The following FGF12 variants were observed in gnomAD, a reference collection of about 807,000 sequenced individuals.
FGF12 encodes fibroblast growth factor 12B.
FGF12 carries 14 observed loss-of-function variants against 23.6 expected under a neutral mutation model. The ratio of observed to expected loss-of-function variants is 0.59; its 90% CI spans 0.39 to 0.93. The LOEUF (loss-of-function observed/expected upper bound fraction) is 0.93, where lower values mean the gene tolerates loss of function less well. Ranked by LOEUF, FGF12 falls within the 40% of genes least tolerant of loss-of-function variation. The pLI is 0.00. For synonymous variants in FGF12, 62 were observed against 77.3 expected (o/e 0.80, Z 1.04); for missense variants, 175 against 217.8 (o/e 0.80, Z 1.24).
At chr3:192,292,269 T>C (rs75417535) in intron 4 of FGF12, among the ~76,000 whole-genome samples, 98 of 152,318 alleles carry the variant, frequency 6.4e-4, no homozygotes, top group African/African-American at 2.3e-3. Flanking sequence ...GGCATTTTAT[T>C]GGTCATTGTG....
At chr3:192,607,617 G>T (rs913704562) in intron 2 of FGF12, among the ~76,000 whole-genome samples, 2 of 151,826 alleles carry the variant, frequency 1.3e-5, no homozygotes, top group Non-Finnish European at 2.9e-5. Flanking sequence ...TGGAGTAAAA[G>T]GTTTTCTTCA....
intron 2 of FGF12, among the ~76,000 whole-genome samples, chr3:192,370,432 G>A (rs924723011): frequency 3.0e-4 from 45 of 152,152 alleles, no homozygotes; most frequent in Admixed American, 2.8e-3. Context: ...AGTCCTAGCT[G>A]CTGGGGAGGC....
intron 2 of FGF12, among the ~76,000 whole-genome samples, chr3:192,605,568 A>C (rs1248470938): frequency 6.6e-6 from 1 of 152,122 alleles, no homozygotes; most frequent in Non-Finnish European, 1.5e-5. Flanking sequence ...ACCTACAGAA[A>C]GGGAGAAAAT....
intron 4 of FGF12, among the ~76,000 whole-genome samples, chr3:192,273,763 A>ATTAT (rs1382858532): frequency 6.6e-6 from 1 of 152,192 alleles, no homozygotes; most frequent in African/African-American, 2.4e-5. Context: ...GCTTGCAAAA[A>ATTAT]TAATAGATAG....
chr3:192,520,585 G>A (rs2108845636), intron 2 of FGF12, among the ~76,000 whole-genome samples: 1 of 152,230 alleles, frequency 6.6e-6, no homozygotes, highest in Admixed American at 6.5e-5. Flanking sequence ...TTATTCATTT[G>A]TAAACTTATA....
intron 4 of FGF12, among the ~76,000 whole-genome samples, chr3:192,250,534 A>G (rs1404322803): frequency 6.6e-6 from 1 of 152,138 alleles, no homozygotes; most frequent in East Asian, 1.9e-4. Flanking sequence ...TAAGATTTAA[A>G]TATTTCAAGT....
chr3:192,643,755 A>AT (rs1715890797), intron 2 of FGF12, among the ~76,000 whole-genome samples: 1 of 152,260 alleles, frequency 6.6e-6, no homozygotes, highest in South Asian at 2.1e-4. Flanking sequence ...TAGTATATAC[A>AT]TTTTTTAAAC....
At chr3:192,341,380 C>A (rs963133802) in intron 3 of FGF12, among the ~76,000 whole-genome samples, 2 of 152,058 alleles carry the variant, frequency 1.3e-5, no homozygotes, top group African/African-American at 4.8e-5. Flanking sequence ...TATGGAAAGA[C>A]ATTCAAAAAT....
At chr3:192,582,681 T>TAA (rs138649791) in intron 2 of FGF12, among the ~76,000 whole-genome samples, 6 of 113,652 alleles carry the variant, frequency 5.3e-5, no homozygotes, top group Non-Finnish European at 9.2e-5. Flanking sequence ...CCACAGCTAG[T>TAA]AAAAAAAAGA....
chr3:192,678,170 T>C (rs1717394558), intron 2 of FGF12, among the ~76,000 whole-genome samples: 1 of 152,260 alleles, frequency 6.6e-6, no homozygotes, highest in Non-Finnish European at 1.5e-5. Context: ...GCTTTTCACT[T>C]ATTATTGTGT....
chr3:192,451,502 T>C (rs527451450), intron 2 of FGF12, among the ~76,000 whole-genome samples: 1 of 152,296 alleles, frequency 6.6e-6, no homozygotes, highest in African/African-American at 2.4e-5. Context: ...ATTATGACTA[T>C]TGAGCAGGAG....
rs9820590 is a variant in FGF12 at position 192,313,978 on chromosome 3, T to G, written c.228+21383A>C. Among the ~76,000 whole-genome samples, 1,367 of 152,264 alleles carry G rather than the reference T, an allele frequency of 9.0e-3. 20 individuals carry two copies. The highest frequency in any genetic ancestry group is 0.031 in the African/African-American group (1,304 of 41,544). ...AAGTAATCAGGTCATAAGAGTAAAG[T>G]CCTCATAAATAGGATCAGTGTCCTT... On this transcript the variant is annotated intron_variant, in intron 4 of 5. Transcript: ENST00000445105.
At chr3:192,406,751 TCG>T (rs1198463470) in intron 2 of FGF12, among the ~76,000 whole-genome samples, 2 of 151,928 alleles carry the variant, frequency 1.3e-5, no homozygotes, top group Non-Finnish European at 2.9e-5. Flanking sequence ...TGAAACAGGG[TCG>T]CTTCTTCACA....
intron 4 of FGF12, among the ~76,000 whole-genome samples, chr3:192,309,086 T>C (rs1715803927): frequency 6.6e-6 from 1 of 152,208 alleles, no homozygotes; most frequent in African/African-American, 2.4e-5. Flanking sequence ...ACTCCATTTC[T>C]GGGTATCACA....
intron 2 of FGF12, among the ~76,000 whole-genome samples, chr3:192,686,112 T>C (rs1717722878): frequency 6.6e-6 from 1 of 152,130 alleles, no homozygotes; most frequent in Admixed American, 6.5e-5. Context: ...TCATATAGGA[T>C]AGATGTGAGC....
At chr3:192,281,335 T>A (rs1285355291) in intron 4 of FGF12, among the ~76,000 whole-genome samples, 2 of 152,120 alleles carry the variant, frequency 1.3e-5, no homozygotes, top group Non-Finnish European at 2.9e-5. Flanking sequence ...GCCTTCTACC[T>A]GTGTATCTCT....
At chr3:192,214,383 G>C (rs1279627700) in intron 4 of FGF12, among the ~76,000 whole-genome samples, 1 of 152,140 alleles carries the variant, frequency 6.6e-6, no homozygotes, top group Non-Finnish European at 1.5e-5. Flanking sequence ...CATGAATCTT[G>C]GTGTGTTTTA....
chr3:192,158,332 C>CTTTCTTTCTTTCTTTCTTTCTTTCTT (rs1459698854), intron 5 of FGF12, among the ~76,000 whole-genome samples: 7 of 112,444 alleles, frequency 6.2e-5, no homozygotes, highest in East Asian at 3.1e-4. Context: ...TTCTTTCTTT[C>CTTTCTTTCTTTCTTTCTTTCTTTCTT]TCTTTCTTTC....
intron 2 of FGF12, among the ~76,000 whole-genome samples, chr3:192,628,266 G>C (rs1715248406): frequency 6.6e-6 from 1 of 152,000 alleles, no homozygotes; most frequent in South Asian, 2.1e-4. Context: ...GGATATTTAG[G>C]CTGTTTCTAC....
Sources: gnomAD v4.1 joint callset for allele counts (sites outside exome capture counted in the v4.1 genomes callset) on GRCh38, gnomAD v4.1.1 for gene constraint, MANE v1.5 for transcripts, NCBI Gene and HGNC (gene_info 2026-07-23, HGNC 2026-07-21) for gene names.